PCCA: variants seen among roughly 807,000 people sequenced by gnomAD.
PCCA encodes propionyl-CoA carboxylase subunit alpha.
In PCCA, 74 loss-of-function variants were observed where a neutral mutation model predicts 101.3. That is an observed-to-expected ratio of 0.73 (90% CI 0.61 to 0.89). The LOEUF (loss-of-function observed/expected upper bound fraction) is 0.89, where lower values mean the gene tolerates loss of function less well. Ranked by LOEUF, PCCA falls within the 40% of genes least tolerant of loss-of-function variation. PCCA has a pLI of 0.00. For synonymous variants in PCCA, 294 were observed against 313.6 expected, an observed-to-expected ratio of 0.94 and a Z score of 0.66; for missense variants, 891 against 907.0, an observed-to-expected ratio of 0.98 and a Z score of 0.23.
intron 18 of PCCA, among the ~76,000 whole-genome samples, chr13:100,360,946 A>G (rs545974480): frequency 6.6e-6 from 1 of 152,368 alleles, no homozygotes; most frequent in Admixed American, 6.5e-5. Context: ...TGTCCGTACA[A>G]TGGAATATTA....
At chr13:100,091,664 A>G (rs993583616) in intron 1 of PCCA, among the ~76,000 whole-genome samples, 10 of 152,134 alleles carry the variant, frequency 6.6e-5, no homozygotes, top group Admixed American at 3.3e-4. Flanking sequence ...GTTGAAAAGC[A>G]GCCAGCTAAC....
At position 100,340,152 on chromosome 13, in the gene PCCA, C is replaced by T; in HGVS notation, c.1541-5C>T. 2.0e-6 allele frequency: 3 copies of T among 1,493,502 alleles called. No individual in the cohort carries two copies. Among genetic ancestry groups the T allele is most frequent in the South Asian group, 1.1e-5 (1 of 88,712 alleles). 92.5% of individuals were successfully genotyped at this position (1,493,502 alleles called of 1,614,324 possible). ...TTGATTGATTGGTTGATTGATTTCC[C>T]TCAGGACACATGCTAACCAAGAGTG... On this transcript the variant is annotated splice_polypyrimidine_tract_variant and splice_region_variant and intron_variant, in intron 17 of 23. Transcript: ENST00000376285.
At chr13:100,124,027 A>G in intron 4 of PCCA, among the ~76,000 whole-genome samples, 1 of 152,298 alleles carries the variant, frequency 6.6e-6, no homozygotes, top group African/African-American at 2.4e-5. Context: ...AGAGCAAAGA[A>G]TTTGGGAATT....
intron 6 of PCCA, among the ~76,000 whole-genome samples, chr13:100,174,503 A>G (rs2056041510): frequency 6.7e-6 from 1 of 149,698 alleles, no homozygotes; most frequent in African/African-American, 2.5e-5. Context: ...CAAATCAGGC[A>G]GATCACTTGA....
intron 2 of PCCA, among the ~76,000 whole-genome samples, chr13:100,104,923 C>T (rs2047615769): frequency 6.6e-6 from 1 of 151,932 alleles, no homozygotes; most frequent in Non-Finnish European, 1.5e-5. Flanking sequence ...AGGCTGGTCT[C>T]GAACTCCTGA....
chr13:100,307,182 T>C lies in PCCA; in HGVS notation c.1285-10T>C, dbSNP rs1186262441. On this transcript the variant is annotated splice_polypyrimidine_tract_variant and intron_variant, in intron 14 of 23. Coordinates refer to ENST00000376285, the MANE Select transcript of PCCA (RefSeq NM_000282.4). ...TGAATTACTTTTCTTTTTTTCTTTT[T>C]TTCTCCCAGGTCCGAGTGGACAGTG... is the stretch of plus-strand genomic sequence containing the variant. 1.9e-6 allele frequency: 3 copies of C among 1,602,424 alleles called. No homozygotes were observed. The highest frequency in any genetic ancestry group is 1.7e-6 in the Non-Finnish European group (2 of 1,171,486).
chr13:100,325,381 A>G (rs2068550641), intron 16 of PCCA, among the ~76,000 whole-genome samples: 1 of 150,982 alleles, frequency 6.6e-6, no homozygotes. Context: ...ATAATTTTAG[A>G]AAGAGATTTG....
chr13:100,461,320 A>G (rs1275830194), intron 21 of PCCA, among the ~76,000 whole-genome samples: 3 of 152,364 alleles, frequency 2.0e-5, no homozygotes, highest in Non-Finnish European at 4.4e-5. Context: ...ATATTTATAG[A>G]TATGTAAACA....
At chr13:100,393,324 A>G (rs2076894689) in intron 19 of PCCA, among the ~76,000 whole-genome samples, 1 of 152,164 alleles carries the variant, frequency 6.6e-6, no homozygotes, top group Non-Finnish European at 1.5e-5. Flanking sequence ...TTAAAGGCCA[A>G]AAAATGGCTG....
At position 100,257,374 on chromosome 13, in the gene PCCA, C is replaced by G. The variant is rs1331021978; in HGVS notation, c.638-221C>G. Among the ~76,000 whole-genome samples, 2 of 46,446 alleles carry G rather than the reference C, an allele frequency of 4.3e-5. 1 individual carries two copies. The highest frequency in any genetic ancestry group is 2.6e-3 in the South Asian group (2 of 756). 30.5% of individuals were successfully genotyped at this position (46,446 alleles called of 152,430 possible). A position where few individuals can be genotyped will look rare whatever the true frequency, so the allele number is the denominator to read the frequency against. ...GGGGAAAGTGTTATGTTTATTGGTA[C>G]AAGTACCCTTTTTTCTTTTAAAATG... On this transcript the variant is annotated intron_variant, in intron 8 of 23. Coordinates refer to ENST00000376285, the MANE Select transcript of PCCA (RefSeq NM_000282.4).
In PCCA at chr13:100,393,575, T is replaced by C. The variant is rs560300215; in HGVS notation, c.1746+25001T>C. On this transcript the variant is annotated intron_variant, in intron 19 of 23. Transcript: ENST00000376285. ...CTGGGTTTACAGGCGCCCGCCACCG[T>C]GCCTGGCTAATTTTTGTATTTTTAG... Among the ~76,000 whole-genome samples the C allele has an allele frequency of 1.1e-3, 165 of 152,086 alleles. 6 individuals carry two copies. In the South Asian group the frequency reaches 0.031, roughly 29 times the overall value.
intron 19 of PCCA, among the ~76,000 whole-genome samples, chr13:100,422,038 T>G (rs1352362864): frequency 9.4e-6 from 1 of 106,012 alleles, no homozygotes; most frequent in African/African-American, 3.8e-5. Context: ...TATTCTCTTC[T>G]TTTCTTTCTT....
chr13:100,388,624 A>C lies in PCCA; in HGVS notation c.1746+20050A>C, dbSNP rs367672751. Among the ~76,000 whole-genome samples, 166 of 152,250 alleles carry C rather than the reference A, an allele frequency of 1.1e-3. 7 individuals carry two copies. In the South Asian group the frequency reaches 0.031, roughly 29 times the overall value. ...CAATCTGGCCAACATGGTGAAACCC[A>C]GTCTCTACTAAAGATGCAAAAATTA... On this transcript the variant is annotated intron_variant, in intron 19 of 23. Transcript: ENST00000376285.
intron 12 of PCCA, among the ~76,000 whole-genome samples, chr13:100,284,357 A>G (rs2064411252): frequency 6.6e-6 from 1 of 152,184 alleles, no homozygotes; most frequent in Non-Finnish European, 1.5e-5. Flanking sequence ...GAGGGAATCA[A>G]CCCTGAAGTC....
intron 19 of PCCA, among the ~76,000 whole-genome samples, chr13:100,369,848 A>G (rs557550963): frequency 1.1e-4 from 16 of 152,272 alleles, no homozygotes; most frequent in Non-Finnish European, 2.1e-4. Context: ...TGAGTAGCAA[A>G]TTATAGGAAT....
At chr13:100,467,894 G>T (rs1191863107) in intron 21 of PCCA, among the ~76,000 whole-genome samples, 1 of 152,086 alleles carries the variant, frequency 6.6e-6, no homozygotes, top group East Asian at 1.9e-4. Context: ...GGTGAAGAAG[G>T]TTTTCAATTT....
chr13:100,194,224 A>G (rs968656481), intron 6 of PCCA, among the ~76,000 whole-genome samples: 2 of 152,206 alleles, frequency 1.3e-5, no homozygotes, highest in African/African-American at 2.4e-5. Flanking sequence ...TACCTAAACT[A>G]TATGACTCTT....
At chr13:100,219,912 A>G (rs543503331) in intron 7 of PCCA, among the ~76,000 whole-genome samples, 1 of 152,298 alleles carries the variant, frequency 6.6e-6, no homozygotes, top group East Asian at 1.9e-4. Context: ...GTATCATCTT[A>G]TTCTGGGTCT....
intron 21 of PCCA, among the ~76,000 whole-genome samples, chr13:100,488,874 G>A (rs2084645941): frequency 1.3e-5 from 2 of 151,614 alleles, no homozygotes; most frequent in African/African-American, 4.8e-5. Context: ...TTTTACCATG[G>A]GCCACTCCCT....
Sources: allele counts gnomAD v4.1 joint callset (sites outside exome capture counted in the v4.1 genomes callset), GRCh38; gene constraint gnomAD v4.1.1; transcripts MANE v1.5; gene names NCBI Gene and HGNC (gene_info 2026-07-23, HGNC 2026-07-21).